Variants in KIF27 observed in about 807,000 individuals in gnomAD.
KIF27 encodes the protein kinesin-like protein KIF27.
A neutral mutation model predicts 141.8 loss-of-function variants in KIF27; 84 were observed. The ratio of observed to expected loss-of-function variants is 0.59; its 90% CI spans 0.50 to 0.71. KIF27 has a LOEUF of 0.71. KIF27 is among the 30% of genes least tolerant of loss of function. The pLI is 0.00. For synonymous variants in KIF27, 471 were observed against 569.5 expected (o/e 0.83, Z 2.46); for missense variants, 1,306 against 1,628.4 (o/e 0.80, Z 3.41).
At chr9:83,842,535 G>A (rs1946699707) in intron 16 of KIF27, 134 bp from the exon 17 acceptor site, 7 of 1,169,194 alleles carry the variant, frequency 6.0e-6, no homozygotes, top group Middle Eastern at 3.1e-4. Flanking sequence ...TGATATGCTC[G>A]GCTCACTGTA....
intron 16 of KIF27, 133 bp from the exon 17 acceptor site, chr9:83,842,534 C>G (rs1328778191): frequency 2.6e-6 from 3 of 1,174,588 alleles, no homozygotes; most frequent in East Asian, 3.2e-5. Context: ...GTGATATGCT[C>G]GGCTCACTGT....
rs1274354445 is a variant in KIF27, at chr9:83,836,297, T to C, written c.*704A>G. 6.6e-6 allele frequency among the ~76,000 whole-genome samples: 1 copy of C among 152,028 alleles called. No individual in the cohort carries two copies. The highest frequency in any genetic ancestry group is 1.5e-5 in the Non-Finnish European group (1 of 68,010). On this transcript the variant is annotated 3_prime_UTR_variant, in exon 18 of 18. Transcript: ENST00000297814. ...CGTGTTCCATGGAACAGCATTCATT[T>C]CTCCCAGTTTTAGTAACATAATGAG... is the stretch of plus-strand genomic sequence containing the variant.
chr9:83,898,125 C>T (rs1028810157), intron 5 of KIF27, among the ~76,000 whole-genome samples: 7 of 151,826 alleles, frequency 4.6e-5, no homozygotes, highest in Non-Finnish European at 7.4e-5. Flanking sequence ...GCATGTGCAC[C>T]GAGAGACACT....
intron 11 of KIF27, among the ~76,000 whole-genome samples, chr9:83,877,812 G>C (rs1313298823): frequency 3.9e-5 from 6 of 151,950 alleles, no homozygotes; most frequent in Non-Finnish European, 8.8e-5. Context: ...CAACAACAAA[G>C]ACAAAGAACC....
intron 4 of KIF27, among the ~76,000 whole-genome samples, chr9:83,900,537 C>T (rs1204788983): frequency 7.1e-6 from 1 of 140,786 alleles, no homozygotes; most frequent in Non-Finnish European, 1.5e-5. Flanking sequence ...CCTTGAAGGA[C>T]TAAAAGTAGA....
At chr9:83,901,092 G>A (rs1413062572) in intron 4 of KIF27, among the ~76,000 whole-genome samples, 1 of 152,034 alleles carries the variant, frequency 6.6e-6, no homozygotes, top group Non-Finnish European at 1.5e-5. Flanking sequence ...CCGAGTAGGT[G>A]GGACCACAGG....
At position 83,837,332 on chromosome 9, in the gene KIF27, G is replaced by A. The variant is rs781620659; in HGVS notation, c.3875C>T (p.Pro1292Leu). The A allele has an allele frequency of 1.1e-5, 17 of 1,607,914 alleles. No homozygotes were observed. Among genetic ancestry groups the A allele is most frequent in the Middle Eastern group, 1.7e-4 (1 of 6,050 alleles). Reference sequence around the variant, plus strand: ...TGGGATATCTTCCCAGAGCTTTTGAGGATTTGGCTGTGTTCTTAAGCTGCT... The same window carrying A: ...TGGGATATCTTCCCAGAGCTTTTGAAGATTTGGCTGTGTTCTTAAGCTGCT... ...SASSLRTQPN[P>L]QKLWEDIPEL... Residue 1292 changes from proline (P) to leucine (L), a missense_variant, in exon 18 of 18, where the codon CCT (proline) becomes CTT (leucine). Physicochemically the swap from Pro to Leu is moderately conservative, Grantham distance 98. This residue lies in a region of KIF27 where 148 missense variants were observed against 250.9 expected (regional missense o/e 0.59). Coordinates refer to ENST00000297814, the MANE Select transcript of KIF27 (RefSeq NM_017576.4).
intron 13 of KIF27, among the ~76,000 whole-genome samples, chr9:83,862,661 CT>C (rs1164305321): frequency 1.3e-5 from 2 of 152,092 alleles, no homozygotes; most frequent in Non-Finnish European, 2.9e-5. Context: ...AATGCGGGCT[CT>C]TTTTTGGTTC....
chr9:83,845,076 G>A (rs1307576011), intron 16 of KIF27, among the ~76,000 whole-genome samples: 1 of 152,196 alleles, frequency 6.6e-6, no homozygotes, highest in Non-Finnish European at 1.5e-5. Flanking sequence ...CAGATCCAAT[G>A]GTGCTTGAGG....
intron 11 of KIF27, among the ~76,000 whole-genome samples, chr9:83,872,908 G>A (rs1950911481): frequency 6.6e-6 from 1 of 152,152 alleles, no homozygotes; most frequent in African/African-American, 2.4e-5. Flanking sequence ...ATATACAATT[G>A]CCCAGCCTTG....
At chr9:83,888,434 A>G (rs1952328266) in intron 8 of KIF27, 55 bp downstream of exon 8, 10 of 752,904 alleles carry the variant, frequency 1.3e-5, no homozygotes, top group Admixed American at 3.0e-5. Context: ...AACTGAGGAA[A>G]AAGATAAGTG....
At chr9:83,848,284 ATGATATATCAGATATGATATATAT>A (rs1947963263) in intron 16 of KIF27, among the ~76,000 whole-genome samples, 7 of 112,276 alleles carry the variant, frequency 6.2e-5, no homozygotes, top group African/African-American at 2.5e-4. Flanking sequence ...TATGATATAT[ATGATATATCAGATATGATATATAT>A]GATATATCAT....
At chr9:83,845,083 G>C (rs1236536491) in intron 16 of KIF27, among the ~76,000 whole-genome samples, 1 of 152,186 alleles carries the variant, frequency 6.6e-6, no homozygotes, top group Non-Finnish European at 1.5e-5. Context: ...AATGGTGCTT[G>C]AGGTGTCAGT....
rs1945893333 is a variant in KIF27, at chr9:83,836,757, TATAA to T, written c.*240_*243del. 2.1e-6 allele frequency: 1 copy of T among 472,526 alleles called. No homozygotes were observed. The highest frequency in any genetic ancestry group is 4.3e-5 in the East Asian group (1 of 23,402). 29.3% of individuals were successfully genotyped at this position (472,526 alleles called of 1,614,324 possible). On this transcript the variant is annotated 3_prime_UTR_variant, in exon 18 of 18. Transcript: ENST00000297814. ...GCCTGGAAAAACATTTAAGCGTATT[TATAA>T]ATATTTAAATGTTATCAAGTATTGG... is the stretch of plus-strand genomic sequence containing the variant.
chr9:83,889,969 G>T (rs1366642659), intron 6 of KIF27, among the ~76,000 whole-genome samples: 1 of 152,120 alleles, frequency 6.6e-6, no homozygotes, highest in African/African-American at 2.4e-5. Flanking sequence ...TTATACCTTT[G>T]TTCTGGTTTC....
At chr9:83,875,570 G>A (rs1209214404) in intron 11 of KIF27, among the ~76,000 whole-genome samples, 1 of 152,164 alleles carries the variant, frequency 6.6e-6, no homozygotes, top group East Asian at 1.9e-4. Flanking sequence ...ATAGAAGAGG[G>A]CAGAGACCAG....
chr9:83,897,597 C>T (rs1953405610), intron 5 of KIF27, among the ~76,000 whole-genome samples: 1 of 151,824 alleles, frequency 6.6e-6, no homozygotes, highest in Non-Finnish European at 1.5e-5. Context: ...TACCATTAAC[C>T]ATAAAGGAAA....
chr9:83,840,524 T>G (rs1946438102), intron 17 of KIF27, among the ~76,000 whole-genome samples: 1 of 152,130 alleles, frequency 6.6e-6, no homozygotes, highest in Non-Finnish European at 1.5e-5. Flanking sequence ...CATTGTCATT[T>G]TAAAGAAATG....
In KIF27 at chr9:83,888,630, G is replaced by C. The variant is rs182912822; in HGVS notation, c.1980-38C>G. 4.9e-6 allele frequency: 6 copies of C among 1,232,450 alleles called. No homozygotes were observed. In the Admixed American group the frequency reaches 1.3e-4, roughly 26 times the overall value. The allele number at this position is 1,232,450 out of a possible 1,614,324, so 76.3% of individuals were successfully genotyped here. ...TCAGAAAGTTAACTTATTTGTTCGT[G>C]TTTTCTAATCTGCCCTCAAATTAGT... On this transcript the variant is annotated intron_variant, in intron 7 of 17. Transcript: ENST00000297814.
Sources: gnomAD v4.1 joint callset for allele counts (sites outside exome capture counted in the v4.1 genomes callset) on GRCh38, gnomAD v4.1.1 for gene constraint, gnomAD v4.1.1 regional missense constraint, MANE v1.5 for transcripts, NCBI Gene and HGNC (gene_info 2026-07-23, HGNC 2026-07-21) for gene names.